The following RBFOX1 variants were observed in gnomAD, a reference collection of about 807,000 sequenced individuals.
RBFOX1 encodes RNA binding protein fox-1 homolog 1.
RBFOX1 carries 8 observed loss-of-function variants against 57.7 expected under a neutral mutation model. That is an observed-to-expected ratio of 0.14 (90% CI 0.08 to 0.25). The LOEUF (loss-of-function observed/expected upper bound fraction) is 0.25, where lower values mean the gene tolerates loss of function less well. Among genes scored for constraint, RBFOX1 ranks in the 10% least tolerant of loss-of-function variants. The pLI is 1.00. For synonymous variants in RBFOX1, 326 were observed against 222.4 expected, an observed-to-expected ratio of 1.47 and a Z score of -4.15; for missense variants, 611 against 548.5, an observed-to-expected ratio of 1.11 and a Z score of -1.14.
chr16:7,187,185 A>T (rs1567622459), intron 4 of RBFOX1, among the ~76,000 whole-genome samples: 1 of 151,932 alleles, frequency 6.6e-6, no homozygotes, highest in Non-Finnish European at 1.5e-5. Flanking sequence ...TAAATAAAAA[A>T]ATAAATAAAA....
At chr16:7,277,512 C>G (rs566806239) in intron 4 of RBFOX1, among the ~76,000 whole-genome samples, 2 of 152,084 alleles carry the variant, frequency 1.3e-5, no homozygotes, top group Non-Finnish European at 2.9e-5. Flanking sequence ...GTTAGTGTAG[C>G]TAGTGGTAAT....
intron 4 of RBFOX1, among the ~76,000 whole-genome samples, chr16:7,248,977 C>G (rs564272914): frequency 3.9e-5 from 6 of 152,180 alleles, no homozygotes; most frequent in African/African-American, 1.4e-4. Context: ...TCTGTGGAAT[C>G]CCAGATAGGT....
At chr16:7,045,239 C>A (rs994279387) in intron 3 of RBFOX1, among the ~76,000 whole-genome samples, 2 of 151,900 alleles carry the variant, frequency 1.3e-5, no homozygotes, top group African/African-American at 2.4e-5. Flanking sequence ...TGGTGGCAAC[C>A]AGTTTACTAA....
At chr16:7,503,432 G>A (rs2071675515) in intron 4 of RBFOX1, among the ~76,000 whole-genome samples, 2 of 152,180 alleles carry the variant, frequency 1.3e-5, no homozygotes, top group South Asian at 2.1e-4. Flanking sequence ...GTCACACAGC[G>A]ATATTATCTC....
chr16:6,345,824 T>C (rs2152835536), intron 2 of RBFOX1, among the ~76,000 whole-genome samples: 1 of 152,296 alleles, frequency 6.6e-6, no homozygotes, highest in Middle Eastern at 3.4e-3. Flanking sequence ...TGACGACATG[T>C]GCGCAAGGTG....
At chr16:5,755,758 G>T (rs138200209) in intron 3 of RBFOX1, among the ~76,000 whole-genome samples, 1 of 151,980 alleles carries the variant, frequency 6.6e-6, no homozygotes, top group Non-Finnish European at 1.5e-5. Flanking sequence ...ATCTCCATGC[G>T]CAGCTAATTT....
intron 4 of RBFOX1, among the ~76,000 whole-genome samples, chr16:5,898,934 T>C (rs1159987747): frequency 2.0e-5 from 3 of 151,334 alleles, no homozygotes; most frequent in Non-Finnish European, 4.4e-5. Context: ...GTGGTGTCAT[T>C]TGCCTGTGGT....
At chr16:6,856,542 A>T (rs2057939047) in intron 3 of RBFOX1, among the ~76,000 whole-genome samples, 1 of 152,126 alleles carries the variant, frequency 6.6e-6, no homozygotes, top group Admixed American at 6.6e-5. Context: ...CTCCCTCATG[A>T]ATGTTCATCA....
chr16:6,238,217 T>G (rs1317751636), intron 1 of RBFOX1, among the ~76,000 whole-genome samples: 1 of 152,064 alleles, frequency 6.6e-6, no homozygotes, highest in Admixed American at 6.6e-5. Flanking sequence ...TGGCATTAGG[T>G]CTGCATTCAC....
At chr16:5,931,745 C>T (rs890640367) in intron 4 of RBFOX1, among the ~76,000 whole-genome samples, 1 of 152,136 alleles carries the variant, frequency 6.6e-6, no homozygotes, top group African/African-American at 2.4e-5. Context: ...CTGAGATTCC[C>T]TACCCGTCTC....
intron 3 of RBFOX1, among the ~76,000 whole-genome samples, chr16:5,861,648 C>T (rs190248058): frequency 1.3e-5 from 2 of 152,302 alleles, no homozygotes; most frequent in East Asian, 3.9e-4. Flanking sequence ...ATAGGACTCC[C>T]CCTAATCCAC....
At chr16:6,652,058 A>G (rs937268020) in intron 2 of RBFOX1, among the ~76,000 whole-genome samples, 2 of 152,144 alleles carry the variant, frequency 1.3e-5, no homozygotes, top group Admixed American at 6.6e-5. Context: ...GTAACTTCCA[A>G]TGTGATTGTG....
At chr16:7,427,578 C>G (rs1290064572) in intron 4 of RBFOX1, among the ~76,000 whole-genome samples, 1 of 152,072 alleles carries the variant, frequency 6.6e-6, no homozygotes, top group Non-Finnish European at 1.5e-5. Context: ...CTTCCCTTGC[C>G]CAAGCTAATT....
chr16:6,796,622 TTCTCTC>T (rs760489645), intron 3 of RBFOX1, among the ~76,000 whole-genome samples: 15 of 152,192 alleles, frequency 9.9e-5, no homozygotes, highest in African/African-American at 1.2e-4. Flanking sequence ...CAAAGGAACT[TTCTCTC>T]TGTCTCTTGT....
At chr16:5,889,520 T>C (rs1191280998) in intron 4 of RBFOX1, among the ~76,000 whole-genome samples, 3 of 152,236 alleles carry the variant, frequency 2.0e-5, no homozygotes, top group African/African-American at 7.2e-5. Context: ...AGTGCTGCAA[T>C]GAACATACAT....
intron 15 of RBFOX1, chr16:7,709,895 C>T (rs1191995315): frequency 9.3e-7 from 1 of 1,075,432 alleles, no homozygotes; most frequent in Non-Finnish European, 1.1e-6. Flanking sequence ...AAAGCTTTGG[C>T]ATGCAGTTTT....
chr16:6,872,540 G>T (rs1214358228), intron 3 of RBFOX1, among the ~76,000 whole-genome samples: 3 of 152,056 alleles, frequency 2.0e-5, no homozygotes, highest in African/African-American at 7.2e-5. Context: ...TCTGGTTCCT[G>T]TTTATATTGG....
chr16:6,978,467 G>A (rs752533381), intron 3 of RBFOX1, among the ~76,000 whole-genome samples: 1 of 152,120 alleles, frequency 6.6e-6, no homozygotes, highest in Non-Finnish European at 1.5e-5. Flanking sequence ...TACTTATTAC[G>A]TTTTCATTAC....
intron 3 of RBFOX1, among the ~76,000 whole-genome samples, chr16:6,827,710 G>T (rs558382204): frequency 3.0e-4 from 46 of 152,224 alleles, no homozygotes; most frequent in African/African-American, 1.0e-3. Flanking sequence ...TCCGTCCCAT[G>T]GTTGTTTGCC....
Sources: allele counts gnomAD v4.1 joint callset (sites outside exome capture counted in the v4.1 genomes callset), GRCh38; gene constraint gnomAD v4.1.1; transcripts MANE v1.5; gene names NCBI Gene and HGNC (gene_info 2026-07-23, HGNC 2026-07-21).